The following LINGO2 variants were observed in gnomAD, a reference collection of about 807,000 sequenced individuals.
The protein encoded by LINGO2 is leucine rich repeat and Ig domain containing 2.
LINGO2 carries 14 observed loss-of-function variants against 30.6 expected under a neutral mutation model. The observed-to-expected ratio is 0.46, with a 90% CI of 0.30 to 0.72. The LOEUF (loss-of-function observed/expected upper bound fraction) is 0.72. Ranked by LOEUF, LINGO2 falls within the 30% of genes least tolerant of loss-of-function variation. The pLI is 0.07. For synonymous variants in LINGO2, 317 were observed against 288.5 expected (o/e 1.10, Z -1.00); for missense variants, 729 against 751.7 (o/e 0.97, Z 0.35).
intron 4 of LINGO2, among the ~76,000 whole-genome samples, chr9:28,053,047 C>T (rs141481442): frequency 2.5e-4 from 38 of 152,064 alleles, no homozygotes; most frequent in African/African-American, 8.7e-4. Flanking sequence ...GTTTATAATC[C>T]AGAGAGTAAT....
chr9:28,693,713 T>C, the LINGO2 span, among the ~76,000 whole-genome samples: 1 of 152,104 alleles, frequency 6.6e-6, no homozygotes, highest in Non-Finnish European at 1.5e-5. Flanking sequence ...CTAATATCAA[T>C]AGCCCTTTTA....
chr9:28,698,557 C>T, the LINGO2 span, among the ~76,000 whole-genome samples: 1 of 151,920 alleles, frequency 6.6e-6, no homozygotes, highest in African/African-American at 2.4e-5. Flanking sequence ...TACTTTGCAA[C>T]ATAATGAAAT....
intron 4 of LINGO2, among the ~76,000 whole-genome samples, chr9:28,048,337 CTA>C (rs1293748821): frequency 6.6e-6 from 1 of 150,742 alleles, no homozygotes; most frequent in African/African-American, 2.5e-5. Context: ...ATAACAATAA[CTA>C]AAATTCAGAA....
chr9:28,215,447 A>C (rs1564050687), intron 4 of LINGO2, among the ~76,000 whole-genome samples: 1 of 151,830 alleles, frequency 6.6e-6, no homozygotes, highest in Admixed American at 6.6e-5. Flanking sequence ...GATAAATTGA[A>C]ATCTATGCTC....
At chr9:28,929,667 C>A in the LINGO2 span, among the ~76,000 whole-genome samples, 1 of 152,192 alleles carries the variant, frequency 6.6e-6, no homozygotes, top group African/African-American at 2.4e-5. Flanking sequence ...CCCATGACAT[C>A]ATGGCACACA....
At chr9:28,323,497 G>A (rs1047873589) in intron 3 of LINGO2, among the ~76,000 whole-genome samples, 1 of 152,116 alleles carries the variant, frequency 6.6e-6, no homozygotes. Context: ...CTAATTGGGA[G>A]GCTGAGGCAG....
In LINGO2 at chr9:28,147,332, C is replaced by G; in HGVS notation, c.-86-134927G>C. On this transcript the variant is annotated intron_variant, in intron 4 of 5. Coordinates refer to ENST00000379992, the Ensembl canonical transcript of LINGO2. This position sits in a 1 kb window ranked among gnomAD's most constrained non-coding sequence, Gnocchi z 4.7. ...ACCTGAATGACCTGAGGAATGGTCT[C>G]AGGCAAATTTGTAAAAAGTGGAGAC... Among the ~76,000 whole-genome samples, 1 of 152,218 alleles carries G rather than the reference C, an allele frequency of 6.6e-6. No individual in the cohort carries two copies.
intron 1 of LINGO2, among the ~76,000 whole-genome samples, chr9:28,640,248 G>T (rs552824632): frequency 6.6e-5 from 10 of 152,038 alleles, no homozygotes; most frequent in Admixed American, 6.6e-5. Flanking sequence ...GTGGCTGCCC[G>T]TAACATTTTT....
At chr9:28,258,667 T>A (rs892433513) in intron 4 of LINGO2, among the ~76,000 whole-genome samples, 7 of 151,936 alleles carry the variant, frequency 4.6e-5, no homozygotes, top group African/African-American at 1.7e-4. Context: ...ACAGAGAGGT[T>A]TAGAAATAAA....
At chr9:28,972,396 A>T in the LINGO2 span, among the ~76,000 whole-genome samples, 5 of 152,206 alleles carry the variant, frequency 3.3e-5, no homozygotes, top group Admixed American at 1.3e-4. Context: ...AAACTCAAAA[A>T]AATTCAGGAT....
chr9:28,982,217 T>C, the LINGO2 span, among the ~76,000 whole-genome samples: 1 of 152,124 alleles, frequency 6.6e-6, no homozygotes, highest in East Asian at 1.9e-4. Context: ...TAAAGCCTCC[T>C]AGGTGATTCA....
At chr9:28,766,857 A>T in the LINGO2 span, among the ~76,000 whole-genome samples, 1 of 144,762 alleles carries the variant, frequency 6.9e-6, no homozygotes, top group Non-Finnish European at 1.5e-5. Flanking sequence ...AGAGAGAAAG[A>T]AAAAGAGAGA....
chr9:28,960,704 A>C, the LINGO2 span, among the ~76,000 whole-genome samples: 734 of 149,660 alleles, frequency 4.9e-3, 7 homozygotes, highest in African/African-American at 0.017. Context: ...ATTTCTAAAA[A>C]TAAATAGGCA....
chr9:28,221,513 C>T (rs934562951), intron 4 of LINGO2, among the ~76,000 whole-genome samples: 11 of 151,572 alleles, frequency 7.3e-5, no homozygotes, highest in African/African-American at 1.5e-4. Context: ...TGTTGGGATC[C>T]GATTTAAAAA....
chr9:28,453,770 AACCAC>A (rs756904862), intron 2 of LINGO2, among the ~76,000 whole-genome samples: 201 of 152,050 alleles, frequency 1.3e-3, no homozygotes, highest in Admixed American at 2.8e-3. Flanking sequence ...CCTCCTTGGC[AACCAC>A]CTTCAGGGCC....
At chr9:28,565,547 CT>C (rs1196504571) in intron 1 of LINGO2, among the ~76,000 whole-genome samples, 1 of 145,922 alleles carries the variant, frequency 6.9e-6, no homozygotes, top group Non-Finnish European at 1.5e-5. Context: ...AAGGAGAGAT[CT>C]AGGCAAAAGA....
intron 4 of LINGO2, among the ~76,000 whole-genome samples, chr9:28,180,107 T>G (rs909987241): frequency 6.6e-6 from 1 of 152,106 alleles, no homozygotes; most frequent in African/African-American, 2.4e-5. Flanking sequence ...CTGTCTTTTG[T>G]GCTTCAGTGT....
At chr9:28,048,262 C>A (rs1288672129) in intron 4 of LINGO2, among the ~76,000 whole-genome samples, 5 of 150,702 alleles carry the variant, frequency 3.3e-5, no homozygotes, top group Non-Finnish European at 1.5e-5. Flanking sequence ...AACACATTGC[C>A]CCAACTAAAT....
chr9:28,009,510 T>G (rs1199273075), intron 5 of LINGO2, among the ~76,000 whole-genome samples: 1 of 152,108 alleles, frequency 6.6e-6, no homozygotes, highest in Non-Finnish European at 1.5e-5. Flanking sequence ...TATATAGAAC[T>G]TTTATGACTC....
Sources: gnomAD v4.1 joint callset for allele counts (sites outside exome capture counted in the v4.1 genomes callset) on GRCh38, gnomAD v4.1.1 for gene constraint, Gnocchi (gnomAD v3.1) non-coding constraint, MANE v1.5 for transcripts, NCBI Gene and HGNC (gene_info 2026-07-23, HGNC 2026-07-21) for gene names.